Variants in DTWD1 observed in about 807,000 individuals in gnomAD.
DTWD1 encodes the protein DTW motif tRNA-uridine aminocarboxypropyltransferase 1.
Under a neutral mutation model 30.2 loss-of-function variants are expected in DTWD1, and 27 were observed. That is an observed-to-expected ratio of 0.90 (90% CI 0.66 to 1.23). DTWD1 has a LOEUF of 1.23. Among genes scored for constraint, DTWD1 ranks in the 50% most tolerant of loss-of-function variants. The probability of loss-of-function intolerance (pLI) is 0.00; values close to 1 mark genes in which losing one functional copy is unlikely to be tolerated. For synonymous variants in DTWD1, 99 were observed against 113.1 expected (o/e 0.88, Z 0.79); for missense variants, 342 against 348.8 (o/e 0.98, Z 0.15).
At chr15:49,634,041 ACT>A (rs2078967875) in intron 3 of DTWD1, among the ~76,000 whole-genome samples, 1 of 152,068 alleles carries the variant, frequency 6.6e-6, no homozygotes, top group Admixed American at 6.5e-5. Flanking sequence ...ATATTTTAAG[ACT>A]CTTGATTTAA....
intron 4 of DTWD1, among the ~76,000 whole-genome samples, chr15:49,642,777 C>A (rs2079080654): frequency 6.6e-6 from 1 of 151,878 alleles, no homozygotes; most frequent in Admixed American, 6.6e-5. Context: ...AATAAAAAAT[C>A]TTAGCTGGAT....
At chr15:49,623,417 C>T (rs1598636811) in intron 1 of DTWD1, among the ~76,000 whole-genome samples, 1 of 149,736 alleles carries the variant, frequency 6.7e-6, no homozygotes, top group Non-Finnish European at 1.5e-5. Context: ...ATTAGGATCT[C>T]TTCCCAAGCT....
chr15:49,640,403 C>T (rs11070712), intron 4 of DTWD1, among the ~76,000 whole-genome samples: 7,664 of 152,168 alleles, frequency 0.05, 336 homozygotes, highest in East Asian at 0.23. Flanking sequence ...AATAATGCTA[C>T]TACACACATT....
At chr15:49,629,690 G>T (rs1009702426) in intron 2 of DTWD1, 3 of 152,210 alleles carry the variant, frequency 2.0e-5, no homozygotes, top group African/African-American at 7.2e-5. Flanking sequence ...GCCAGAAGTA[G>T]ACTGATGTAA....
intron 3 of DTWD1, among the ~76,000 whole-genome samples, chr15:49,633,301 A>G (rs1211495179): frequency 6.6e-6 from 1 of 151,990 alleles, no homozygotes; most frequent in African/African-American, 2.4e-5. Flanking sequence ...TGTATTATGA[A>G]TATTTAAAAA....
At chr15:49,628,164 A>G (rs761895616) in intron 2 of DTWD1, among the ~76,000 whole-genome samples, 3 of 152,270 alleles carry the variant, frequency 2.0e-5, no homozygotes, top group African/African-American at 7.2e-5. Flanking sequence ...CATCAGTATC[A>G]CTGTCTTCTT....
rs1390440787 is a variant in DTWD1, at chr15:49,653,047, A to G, written c.*9469A>G. On this transcript the variant is annotated 3_prime_UTR_variant, in exon 5 of 5. Transcript: ENST00000403028. ...AATCCCAAATCAGTTTTTTTTCAGC[A>G]TATGACATTTTGGAGTAGTTTGTTA... 1 of 152,164 alleles carries G rather than the reference A, an allele frequency of 6.6e-6. No individual in the cohort carries two copies. Among genetic ancestry groups the G allele is most frequent in the African/African-American group, 2.4e-5 (1 of 41,450 alleles). The allele number at this position is 152,164 out of a possible 1,614,324, so 9.4% of individuals were successfully genotyped here.
chr15:49,643,252 T>A, intron 4 of DTWD1, 79 bp from the exon 5 acceptor site: 1 of 1,385,428 alleles, frequency 7.2e-7, no homozygotes, highest in Non-Finnish European at 9.5e-7. Context: ...ATCATTATTA[T>A]TGTACCAAGC....
At chr15:49,629,919 A>G (rs535459938) in intron 2 of DTWD1, 1 of 152,328 alleles carries the variant, frequency 6.6e-6, no homozygotes, top group Non-Finnish European at 1.5e-5. Context: ...CCAGGGGTGT[A>G]TTATTTATAC....
intron 2 of DTWD1, among the ~76,000 whole-genome samples, chr15:49,628,500 G>GCAATGTTA (rs2078874901): frequency 6.6e-6 from 1 of 152,046 alleles, no homozygotes; most frequent in South Asian, 2.1e-4. Context: ...GCACTGTGGT[G>GCAATGTTA]CAATGTTACA....
chr15:49,627,707 A>G (rs2078861903), intron 2 of DTWD1, among the ~76,000 whole-genome samples: 1 of 152,204 alleles, frequency 6.6e-6, no homozygotes, highest in South Asian at 2.1e-4. Flanking sequence ...AAATATAAGC[A>G]TAGAAAAGTA....
intron 4 of DTWD1, among the ~76,000 whole-genome samples, chr15:49,638,997 G>T (rs28562087): frequency 0.62 from 94,518 of 151,824 alleles, 30,755 homozygotes; most frequent in Non-Finnish European, 0.72. Context: ...TACTGTAATT[G>T]GTTATAAAAA....
chr15:49,627,835 C>T (rs1487752547), intron 2 of DTWD1, among the ~76,000 whole-genome samples: 1 of 151,974 alleles, frequency 6.6e-6, no homozygotes, highest in Non-Finnish European at 1.5e-5. Flanking sequence ...AATGTGAAGG[C>T]CTGTGATGTT....
Position 49,654,403 on chromosome 15 carries a change from A to C in DTWD1, c.*10825A>C, listed in dbSNP as rs1352812617. The C allele has an allele frequency of 6.6e-6, 1 of 151,952 alleles. No homozygotes were observed. Among genetic ancestry groups the C allele is most frequent in the African/African-American group, 2.4e-5 (1 of 41,394 alleles). The allele number at this position is 151,952 out of a possible 1,614,324, so 9.4% of individuals were successfully genotyped here. A position where few individuals can be genotyped will look rare whatever the true frequency, so the allele number is the denominator to read the frequency against. ...CCATTTCCTTTTCCTTTTAATCTGG[A>C]TTGGCCTTCTAACTCACTTTGACCA... On this transcript the variant is annotated 3_prime_UTR_variant, in exon 5 of 5. Coordinates refer to ENST00000403028, the MANE Select transcript of DTWD1 (RefSeq NM_001144955.2).
intron 1 of DTWD1, among the ~76,000 whole-genome samples, chr15:49,622,200 GATC>G (rs549611226): frequency 1.7e-3 from 254 of 152,326 alleles, no homozygotes; most frequent in African/African-American, 5.5e-3. Flanking sequence ...GAATAGGTGA[GATC>G]AGGGAAGGAA....
At chr15:49,632,611 C>G (rs1294082812) in intron 3 of DTWD1, among the ~76,000 whole-genome samples, 1 of 152,068 alleles carries the variant, frequency 6.6e-6, no homozygotes, top group Non-Finnish European at 1.5e-5. Context: ...CCTGTTTGTG[C>G]TACATATAGA....
At chr15:49,629,131 G>C (rs1406332607) in intron 2 of DTWD1, among the ~76,000 whole-genome samples, 1 of 152,028 alleles carries the variant, frequency 6.6e-6, no homozygotes, top group Non-Finnish European at 1.5e-5. Flanking sequence ...TTGTTACTCT[G>C]TACTCTTGTC....
Sources: allele counts gnomAD v4.1 joint callset (sites outside exome capture counted in the v4.1 genomes callset), GRCh38; gene constraint gnomAD v4.1.1; transcripts MANE v1.5; gene names NCBI Gene and HGNC (gene_info 2026-07-23, HGNC 2026-07-21).